The following HLCS variants were observed in gnomAD, a reference collection of about 807,000 sequenced individuals.
HLCS encodes biotin--protein ligase.
A neutral mutation model predicts 75.0 loss-of-function variants in HLCS; 53 were observed. The observed-to-expected ratio is 0.71, with a 90% CI of 0.57 to 0.89. HLCS has a LOEUF of 0.89. HLCS is among the 40% of genes least tolerant of loss of function. The pLI, the probability that HLCS is intolerant of heterozygous loss-of-function variation, is 0.00. For missense variants in HLCS, 966 were observed against 1,074.0 expected (o/e 0.90, Z 1.41); for synonymous variants, 431 against 428.6 (o/e 1.01, Z -0.07).
At chr21:36,787,226 C>T (rs1215857066) in intron 6 of HLCS, among the ~76,000 whole-genome samples, 1 of 152,230 alleles carries the variant, frequency 6.6e-6, no homozygotes, top group Non-Finnish European at 1.5e-5. Context: ...GCAGGTCCGG[C>T]TCAGTTTTGG....
intron 5 of HLCS, among the ~76,000 whole-genome samples, chr21:36,927,968 T>A (rs1048456780): frequency 2.0e-5 from 3 of 152,084 alleles, no homozygotes; most frequent in Admixed American, 6.6e-5. Flanking sequence ...CCATGGAACT[T>A]AATTCCGTGA....
chr21:36,942,881 G>A (rs1441690328), intron 2 of HLCS, among the ~76,000 whole-genome samples: 1 of 151,824 alleles, frequency 6.6e-6, no homozygotes, highest in Non-Finnish European at 1.5e-5. Context: ...AGTGAGCCAA[G>A]ATTGCACCAC....
chr21:36,809,806 A>T (rs1454530116), intron 6 of HLCS, among the ~76,000 whole-genome samples: 1 of 152,150 alleles, frequency 6.6e-6, no homozygotes, highest in East Asian at 1.9e-4. Context: ...TGGTGTGATC[A>T]TGGCTCACTG....
intron 6 of HLCS, among the ~76,000 whole-genome samples, chr21:36,795,276 G>A (rs911778408): frequency 2.6e-5 from 4 of 152,174 alleles, no homozygotes; most frequent in Admixed American, 6.5e-5. Flanking sequence ...AATGCGCTTC[G>A]TCTTCTGCGA....
chr21:36,914,949 T>C (rs898526873), intron 5 of HLCS, among the ~76,000 whole-genome samples: 6 of 152,258 alleles, frequency 3.9e-5, no homozygotes, highest in African/African-American at 1.4e-4. Context: ...TGGAAAACGC[T>C]GGGGCTGAGC....
intron 6 of HLCS, among the ~76,000 whole-genome samples, chr21:36,894,846 G>T (rs566662448): frequency 1.4e-5 from 2 of 147,454 alleles, no homozygotes; most frequent in African/African-American, 2.5e-5. Context: ...TAAGGCAGAG[G>T]TTTTTTTTTT....
chr21:36,859,024 G>C (rs985697214), intron 6 of HLCS, among the ~76,000 whole-genome samples: 1 of 151,978 alleles, frequency 6.6e-6, no homozygotes, highest in Non-Finnish European at 1.5e-5. Context: ...GGAGTTTTTT[G>C]TTTTTTGTTT....
At position 36,750,847 on chromosome 21, in the gene HLCS, G is replaced by A. The variant is rs956470989; in HGVS notation, c.*3399C>T. ...TTCAGATGAAAAGTCAAGTCAAGAA[G>A]TTTCCACAAAAGAAAAGAAAAATCC... On this transcript the variant is annotated 3_prime_UTR_variant, in exon 11 of 11. Coordinates refer to ENST00000674895, the MANE Select transcript of HLCS (RefSeq NM_001352514.2). 6.6e-6 allele frequency: 1 copy of A among 151,530 alleles called. No individual in the cohort carries two copies. The highest frequency in any genetic ancestry group is 2.4e-5 in the African/African-American group (1 of 41,208). The allele number at this position is 151,530 out of a possible 1,614,324, so 9.4% of individuals were successfully genotyped here.
At chr21:36,911,596 A>C (rs1003039951) in intron 5 of HLCS, among the ~76,000 whole-genome samples, 5 of 151,938 alleles carry the variant, frequency 3.3e-5, no homozygotes, top group African/African-American at 1.2e-4. Context: ...TACAAAAAAA[A>C]AAATTAACCG....
At position 36,828,080 on chromosome 21, in the gene HLCS, T is replaced by A. The variant is rs184480524; in HGVS notation, c.1893-60795A>T. On this transcript the variant is annotated intron_variant, in intron 6 of 10. Transcript: ENST00000674895. ...TGCCTGCCTTGGCCCCCCAAAGTGC[T>A]GGGATTACAGGTGTGAGCCACCATA... Among the ~76,000 whole-genome samples the A allele has an allele frequency of 2.6e-4, 39 of 152,258 alleles. No homozygotes were observed. The East Asian group carries it at 7.4e-3, about 29-fold the overall frequency.
At chr21:36,879,404 C>T (rs1364258668) in intron 6 of HLCS, among the ~76,000 whole-genome samples, 2 of 152,206 alleles carry the variant, frequency 1.3e-5, no homozygotes, top group South Asian at 4.1e-4. Context: ...TAATCTTGCA[C>T]ATGTAGTGTA....
chr21:36,855,666 T>C (rs1235555163), intron 6 of HLCS, among the ~76,000 whole-genome samples: 1 of 151,174 alleles, frequency 6.6e-6, no homozygotes, highest in African/African-American at 2.4e-5. Flanking sequence ...AACCTCTGCC[T>C]CCCAGGCTCA....
chr21:36,765,580 G>A (rs2090003778), intron 7 of HLCS, among the ~76,000 whole-genome samples: 1 of 152,216 alleles, frequency 6.6e-6, no homozygotes, highest in South Asian at 2.1e-4. Flanking sequence ...TTCCTATTGT[G>A]GCGATGGTTG....
At chr21:36,819,335 G>C (rs1311116561) in intron 6 of HLCS, among the ~76,000 whole-genome samples, 1 of 152,196 alleles carries the variant, frequency 6.6e-6, no homozygotes, top group Non-Finnish European at 1.5e-5. Context: ...AGGAGCACGA[G>C]GGATGTATGA....
At position 36,881,594 on chromosome 21, in the gene HLCS, G is replaced by A. The variant is rs185163191; in HGVS notation, c.1892+15266C>T. Reference sequence around the variant, plus strand: ...CACCTGCAGGAGGCAGAGAGAACTTGTAACAGATCATATGAAATCCCCATT... The same window carrying A: ...CACCTGCAGGAGGCAGAGAGAACTTATAACAGATCATATGAAATCCCCATT... On this transcript the variant is annotated intron_variant, in intron 6 of 10. Coordinates refer to ENST00000674895, the MANE Select transcript of HLCS (RefSeq NM_001352514.2). 1.9e-3 allele frequency among the ~76,000 whole-genome samples: 284 copies of A among 152,324 alleles called. 2 individuals carry two copies. Among genetic ancestry groups the A allele is most frequent in the African/African-American group, 6.4e-3 (264 of 41,564 alleles).
At chr21:36,816,849 T>C (rs1451778442) in intron 6 of HLCS, among the ~76,000 whole-genome samples, 1 of 152,080 alleles carries the variant, frequency 6.6e-6, no homozygotes, top group African/African-American at 2.4e-5. Flanking sequence ...GTGAGGGAAA[T>C]TGGTGGTAAA....
intron 6 of HLCS, among the ~76,000 whole-genome samples, chr21:36,800,863 C>T (rs2061177463): frequency 1.3e-5 from 2 of 152,082 alleles, no homozygotes; most frequent in African/African-American, 4.8e-5. Context: ...ATAGCAAGTT[C>T]AGTGTTGGCT....
intron 6 of HLCS, among the ~76,000 whole-genome samples, chr21:36,788,388 G>A (rs951027074): frequency 1.3e-5 from 2 of 152,180 alleles, no homozygotes. Context: ...GGAACTTAGG[G>A]CTGACGGGCC....
rs568851605 is a variant in HLCS at position 36,908,260 on chromosome 21, C to T, written c.1621-11129G>A. 2.0e-5 allele frequency among the ~76,000 whole-genome samples: 3 copies of T among 151,934 alleles called. No individual in the cohort carries two copies. The East Asian group carries it at 5.8e-4, about 29-fold the overall frequency. On this transcript the variant is annotated intron_variant, in intron 5 of 10. Coordinates refer to ENST00000674895, the MANE Select transcript of HLCS (RefSeq NM_001352514.2). ...ACAAAACTAGTCAAGAGTGGTCGTA[C>T]ACACCTATATCCCAGCTATTCAGGA...
Sources: allele counts gnomAD v4.1 joint callset (sites outside exome capture counted in the v4.1 genomes callset), GRCh38; gene constraint gnomAD v4.1.1; transcripts MANE v1.5; gene names NCBI Gene and HGNC (gene_info 2026-07-23, HGNC 2026-07-21).